Variants in BTBD9 observed in about 807,000 individuals in gnomAD.
The protein encoded by BTBD9 is BTB/POZ domain-containing protein 9.
Under a neutral mutation model 64.3 loss-of-function variants are expected in BTBD9, and 49 were observed. That is an observed-to-expected ratio of 0.76 (90% CI 0.61 to 0.97). BTBD9 has a LOEUF of 0.97. Among genes scored for constraint, BTBD9 ranks in the 50% least tolerant of loss-of-function variants. The pLI, the probability that BTBD9 is intolerant of heterozygous loss-of-function variation, is 0.00. For missense variants in BTBD9, 598 were observed against 762.1 expected (o/e 0.78, Z 2.53); for synonymous variants, 260 against 274.7 (o/e 0.95, Z 0.53).
At chr6:38,298,795 T>C (rs561139135) in intron 7 of BTBD9, among the ~76,000 whole-genome samples, 21 of 152,248 alleles carry the variant, frequency 1.4e-4, no homozygotes, top group Middle Eastern at 3.4e-3. Flanking sequence ...CCTGGCTTAT[T>C]TCACTTAACA....
intron 6 of BTBD9, among the ~76,000 whole-genome samples, chr6:38,550,740 C>T (rs1440791345): frequency 6.6e-6 from 1 of 152,306 alleles, no homozygotes. Flanking sequence ...CCACCACTAT[C>T]TTTTGTCTAA....
intron 1 of BTBD9, among the ~76,000 whole-genome samples, chr6:38,616,593 A>G (rs965719280): frequency 1.3e-5 from 2 of 152,148 alleles, no homozygotes; most frequent in Non-Finnish European, 2.9e-5. Context: ...CCTGTCTTAC[A>G]AGAGGATTGT....
intron 6 of BTBD9, among the ~76,000 whole-genome samples, chr6:38,408,014 C>T (rs1424223184): frequency 6.6e-6 from 1 of 152,130 alleles, no homozygotes; most frequent in African/African-American, 2.4e-5. Flanking sequence ...TGATACATAA[C>T]CTAAAATTAG....
intron 6 of BTBD9, among the ~76,000 whole-genome samples, chr6:38,522,913 T>C (rs1773331269): frequency 6.6e-6 from 1 of 152,182 alleles, no homozygotes; most frequent in Admixed American, 6.5e-5. Context: ...CTGGGCACAG[T>C]GGTTCATGCC....
intron 10 of BTBD9, among the ~76,000 whole-genome samples, chr6:38,188,587 T>A (rs1761920586): frequency 1.3e-5 from 2 of 152,228 alleles, no homozygotes; most frequent in Admixed American, 1.3e-4. Context: ...AGTCTCTGGG[T>A]TCACAAACAC....
intron 6 of BTBD9, among the ~76,000 whole-genome samples, chr6:38,422,426 A>AATAT (rs1025610238): frequency 1.8e-4 from 27 of 152,240 alleles, no homozygotes; most frequent in Admixed American, 1.5e-3. Context: ...ATTCCACTAA[A>AATAT]AACAGTTGGG....
intron 1 of BTBD9, among the ~76,000 whole-genome samples, chr6:38,613,939 C>A (rs71544423): frequency 0.085 from 12,944 of 152,212 alleles, 679 homozygotes; most frequent in Middle Eastern, 0.18. Flanking sequence ...CCTCTCCTTC[C>A]AAACAGCTAT....
intron 6 of BTBD9, among the ~76,000 whole-genome samples, chr6:38,381,130 T>C (rs148432083): frequency 3.0e-3 from 449 of 152,156 alleles, no homozygotes; most frequent in Admixed American, 6.1e-3. Context: ...ATAGATCAAA[T>C]GTATTAGGAA....
intron 6 of BTBD9, among the ~76,000 whole-genome samples, chr6:38,496,938 G>A (rs1183121849): frequency 6.6e-6 from 1 of 152,150 alleles, no homozygotes; most frequent in Non-Finnish European, 1.5e-5. Flanking sequence ...AAAGTAGCCA[G>A]GGCCTAGCCA....
intron 6 of BTBD9, among the ~76,000 whole-genome samples, chr6:38,431,829 G>C (rs1427352255): frequency 6.6e-6 from 1 of 151,924 alleles, no homozygotes; most frequent in African/African-American, 2.4e-5. Flanking sequence ...TTTTTAAAAA[G>C]CTGTTTAAAA....
chr6:38,623,415 T>A (rs529748621), intron 1 of BTBD9, among the ~76,000 whole-genome samples: 1 of 152,032 alleles, frequency 6.6e-6, no homozygotes, highest in Non-Finnish European at 1.5e-5. Flanking sequence ...TACCACACAC[T>A]CTCAAAGGAT....
intron 9 of BTBD9, among the ~76,000 whole-genome samples, chr6:38,255,094 C>T (rs904834850): frequency 6.6e-6 from 1 of 152,112 alleles, no homozygotes; most frequent in Non-Finnish European, 1.5e-5. Context: ...AAATGAAATT[C>T]AGATATATGC....
At chr6:38,520,816 G>A (rs1057129080) in intron 6 of BTBD9, among the ~76,000 whole-genome samples, 1 of 151,864 alleles carries the variant, frequency 6.6e-6, no homozygotes. Context: ...GCCTGGTGGC[G>A]CATGCTTGTA....
chr6:38,254,742 G>A (rs1764517625), intron 9 of BTBD9, among the ~76,000 whole-genome samples: 2 of 152,166 alleles, frequency 1.3e-5, no homozygotes, highest in South Asian at 2.1e-4. Context: ...GGATGGCTAT[G>A]GTCAAAAAGA....
At chr6:38,435,803 G>A (rs907167590) in intron 6 of BTBD9, among the ~76,000 whole-genome samples, 2 of 151,090 alleles carry the variant, frequency 1.3e-5, no homozygotes, top group African/African-American at 4.9e-5. Flanking sequence ...CGAGTAGCTG[G>A]GATTACAGGT....
intron 6 of BTBD9, among the ~76,000 whole-genome samples, chr6:38,361,405 T>A (rs1195755642): frequency 6.6e-6 from 1 of 151,900 alleles, no homozygotes; most frequent in Non-Finnish European, 1.5e-5. Context: ...CAAAATTAGC[T>A]AGGAGTGGTG....
rs1483562560 is a variant in BTBD9 at position 38,175,102 on chromosome 6, C to T, written c.1722G>A (p.Gly574=). The T allele has an allele frequency of 5.6e-6, 9 of 1,614,102 alleles. No individual in the cohort carries two copies. In the South Asian group the frequency reaches 8.8e-5, roughly 16 times the overall value. ...KEENSEESGT[G]DTSLAGQQLD... The stretch of plus-strand genomic sequence containing the variant: ...GCTGCTGACCGGCCAGGCTGGTGTC[C>T]CCTGTCCCCGATTCCTCACTATTTT... Residue 574 remains glycine, a synonymous_variant, in exon 11 of 11, where the codon GGG becomes GGA. Coordinates refer to ENST00000481247, the MANE Select transcript of BTBD9 (RefSeq NM_001099272.2).
chr6:38,361,904 C>T (rs1003852175), intron 6 of BTBD9, among the ~76,000 whole-genome samples: 1 of 151,624 alleles, frequency 6.6e-6, no homozygotes, highest in Non-Finnish European at 1.5e-5. Flanking sequence ...ACAAGTATTT[C>T]AAAAGCAAAG....
chr6:38,542,732 A>G (rs1327690780), intron 6 of BTBD9, among the ~76,000 whole-genome samples: 2 of 152,220 alleles, frequency 1.3e-5, no homozygotes. Context: ...CACTTGCCCT[A>G]ACCTGGGCGG....
Sources: gnomAD v4.1 joint callset for allele counts (sites outside exome capture counted in the v4.1 genomes callset) on GRCh38, gnomAD v4.1.1 for gene constraint, MANE v1.5 for transcripts, NCBI Gene and HGNC (gene_info 2026-07-23, HGNC 2026-07-21) for gene names.